The following CACNA2D3 variants were observed in gnomAD, a reference collection of about 807,000 sequenced individuals.
The protein encoded by CACNA2D3 is voltage-dependent calcium channel subunit alpha-2/delta-3.
In CACNA2D3, 60 loss-of-function variants were observed where a neutral mutation model predicts 160.6. That is an observed-to-expected ratio of 0.37 (90% CI 0.30 to 0.46). CACNA2D3 has a LOEUF of 0.46. Among genes scored for constraint, CACNA2D3 ranks in the 20% least tolerant of loss-of-function variants. The pLI, the probability that CACNA2D3 is intolerant of heterozygous loss-of-function variation, is 1.00. For missense variants in CACNA2D3, 1,205 were observed against 1,365.0 expected, an observed-to-expected ratio of 0.88 and a Z score of 1.85; for synonymous variants, 558 against 492.9, an observed-to-expected ratio of 1.13 and a Z score of -1.75.
chr3:54,468,000 A>G (rs1242744082), intron 4 of CACNA2D3, among the ~76,000 whole-genome samples: 2 of 152,224 alleles, frequency 1.3e-5, no homozygotes, highest in Non-Finnish European at 2.9e-5. Context: ...AATATGTACA[A>G]TTATGATGTG....
intron 3 of CACNA2D3, among the ~76,000 whole-genome samples, chr3:54,324,302 C>T (rs1704075157): frequency 6.6e-6 from 1 of 152,192 alleles, no homozygotes. Context: ...TTACTCTCCA[C>T]TATGCAATTA....
At chr3:54,831,371 G>A (rs1443668183) in intron 14 of CACNA2D3, among the ~76,000 whole-genome samples, 2 of 152,212 alleles carry the variant, frequency 1.3e-5, no homozygotes, top group African/African-American at 4.8e-5. Flanking sequence ...CCAGCTGCAG[G>A]AGAAACAGAG....
chr3:54,533,794 AGTGTGTGTGTGTGT>A (rs61234075), intron 5 of CACNA2D3, among the ~76,000 whole-genome samples: 65 of 149,860 alleles, frequency 4.3e-4, no homozygotes, highest in Admixed American at 2.5e-3. Context: ...AATGGAAAAT[AGTGTGTGTGTGTGT>A]GTGTGTGTGT....
rs193226383 is a variant in CACNA2D3, at chr3:54,801,168, A to G, written c.1381-15685A>G. 2.6e-3 allele frequency among the ~76,000 whole-genome samples: 389 copies of G among 151,918 alleles called. 2 individuals are homozygous for G. Among genetic ancestry groups the G allele is most frequent in the Non-Finnish European group, 4.5e-3 (306 of 67,952 alleles). On this transcript the variant is annotated intron_variant, in intron 13 of 37. Transcript: ENST00000474759. Reference sequence around the variant, plus strand: ...CGCCTGGCTAATTTTTGTATTTTTTATTAGAGATGGGGTTTCACCATGTTG... The same window carrying G: ...CGCCTGGCTAATTTTTGTATTTTTTGTTAGAGATGGGGTTTCACCATGTTG...
At chr3:54,217,411 A>T (rs1701482498) in intron 2 of CACNA2D3, among the ~76,000 whole-genome samples, 1 of 152,172 alleles carries the variant, frequency 6.6e-6, no homozygotes, top group South Asian at 2.1e-4. Flanking sequence ...CCACCTGGAG[A>T]TACCAAGTCC....
At chr3:54,833,007 G>A (rs528180855) in intron 14 of CACNA2D3, among the ~76,000 whole-genome samples, 1 of 152,316 alleles carries the variant, frequency 6.6e-6, no homozygotes, top group South Asian at 2.1e-4. Flanking sequence ...GTATTAAGGA[G>A]TAGGCCTGGC....
At chr3:54,980,161 C>T (rs1022487885) in intron 29 of CACNA2D3, among the ~76,000 whole-genome samples, 1 of 152,054 alleles carries the variant, frequency 6.6e-6, no homozygotes, top group East Asian at 1.9e-4. Context: ...ATGTTAAATC[C>T]AATTCTTAAT....
chr3:55,037,500 GA>G (rs1487473168), intron 35 of CACNA2D3, among the ~76,000 whole-genome samples: 2 of 152,196 alleles, frequency 1.3e-5, no homozygotes, highest in African/African-American at 4.8e-5. Flanking sequence ...GGGTCTTGGA[GA>G]AAGCAGATAA....
chr3:54,340,681 A>G (rs947160204), intron 3 of CACNA2D3, among the ~76,000 whole-genome samples: 5 of 152,148 alleles, frequency 3.3e-5, no homozygotes, highest in African/African-American at 4.8e-5. Context: ...GCTTGTTCCA[A>G]ATGAAGTGAG....
intron 13 of CACNA2D3, among the ~76,000 whole-genome samples, chr3:54,764,688 C>T (rs563247073): frequency 2.0e-5 from 3 of 152,164 alleles, no homozygotes; most frequent in Non-Finnish European, 4.4e-5. Context: ...CTGTCCTCAC[C>T]ATATATGAGC....
intron 11 of CACNA2D3, among the ~76,000 whole-genome samples, chr3:54,720,309 T>C (rs1701146137): frequency 6.6e-6 from 1 of 152,062 alleles, no homozygotes; most frequent in Admixed American, 6.5e-5. Flanking sequence ...TTAGATATCA[T>C]ATTTTCATTA....
chr3:55,021,657 A>G (rs368405376), intron 35 of CACNA2D3, among the ~76,000 whole-genome samples: 31 of 69,226 alleles, frequency 4.5e-4, no homozygotes, highest in South Asian at 4.2e-4. Context: ...GTATATATAT[A>G]TGTGTGTGTA....
intron 4 of CACNA2D3, among the ~76,000 whole-genome samples, chr3:54,439,459 C>G (rs900987269): frequency 6.6e-6 from 1 of 152,164 alleles, no homozygotes; most frequent in African/African-American, 2.4e-5. Context: ...CACCCACAAG[C>G]ACTTATGGCT....
chr3:54,204,730 A>C (rs1576997200), intron 2 of CACNA2D3, among the ~76,000 whole-genome samples: 1 of 132,748 alleles, frequency 7.5e-6, no homozygotes, highest in South Asian at 2.7e-4. Flanking sequence ...CGGGAGGTGG[A>C]GGTTGCAGTG....
chr3:54,123,368 G>C (rs1699516453), intron 1 of CACNA2D3, 145 bp from the exon 2 acceptor site: 3 of 661,520 alleles, frequency 4.5e-6, no homozygotes, highest in Non-Finnish European at 2.7e-6. Flanking sequence ...TTTCTACCAA[G>C]CCGCTTTTTC....
At chr3:54,636,487 G>A (rs1401291116) in intron 10 of CACNA2D3, among the ~76,000 whole-genome samples, 1 of 151,928 alleles carries the variant, frequency 6.6e-6, no homozygotes, top group Non-Finnish European at 1.5e-5. Flanking sequence ...AATAGATTTT[G>A]GAAGTTATGA....
intron 2 of CACNA2D3, among the ~76,000 whole-genome samples, chr3:54,205,259 T>A (rs1393450957): frequency 6.6e-6 from 1 of 152,144 alleles, no homozygotes; most frequent in African/African-American, 2.4e-5. Flanking sequence ...GATGGGATTT[T>A]TTTTGTTTTT....
intron 5 of CACNA2D3, among the ~76,000 whole-genome samples, chr3:54,521,531 C>G (rs1701646712): frequency 6.6e-6 from 1 of 152,112 alleles, no homozygotes; most frequent in Non-Finnish European, 1.5e-5. Context: ...CTTTGAAGAA[C>G]AAAAGGTTTT....
At chr3:54,453,852 G>A (rs1483750000) in intron 4 of CACNA2D3, among the ~76,000 whole-genome samples, 1 of 152,212 alleles carries the variant, frequency 6.6e-6, no homozygotes, top group African/African-American at 2.4e-5. Flanking sequence ...CAAAGTACCT[G>A]TCCCCACATG....
Sources: allele counts gnomAD v4.1 joint callset (sites outside exome capture counted in the v4.1 genomes callset), GRCh38; gene constraint gnomAD v4.1.1; transcripts MANE v1.5; gene names NCBI Gene and HGNC (gene_info 2026-07-23, HGNC 2026-07-21).